The following ZNF292 variants were observed in gnomAD, a reference collection of about 807,000 sequenced individuals.
ZNF292 encodes zinc finger protein 292.
In ZNF292, 26 loss-of-function variants were observed where a neutral mutation model predicts 217.9. The observed-to-expected ratio is 0.12, with a 90% CI of 0.09 to 0.17. The LOEUF (loss-of-function observed/expected upper bound fraction) is 0.17. Ranked by LOEUF, ZNF292 falls within the 10% of genes least tolerant of loss-of-function variation. ZNF292 has a pLI of 1.00. For synonymous variants in ZNF292, 1,257 were observed against 1,124.1 expected, an observed-to-expected ratio of 1.12 and a Z score of -2.37; for missense variants, 2,904 against 3,175.2, an observed-to-expected ratio of 0.91 and a Z score of 2.05.
Position 87,211,927 on chromosome 6 carries a change from A to G in ZNF292, c.169-3976A>G, listed in dbSNP as rs1005025353. Among the ~76,000 whole-genome samples, 3 of 152,266 alleles carry G rather than the reference A, an allele frequency of 2.0e-5. No individual in the cohort carries two copies. In the East Asian group the frequency reaches 5.8e-4, roughly 29 times the overall value. ...TATAAATATAAATATATGTGTATAG[A>G]CATTCATTCATTCTTGAAGGGGTGT... On this transcript the variant is annotated intron_variant, in intron 1 of 7. Transcript: ENST00000369577.
At chr6:87,183,510 T>C (rs1771534676) in intron 1 of ZNF292, among the ~76,000 whole-genome samples, 1 of 152,126 alleles carries the variant, frequency 6.6e-6, no homozygotes, top group South Asian at 2.1e-4. Flanking sequence ...TCCTCAATGA[T>C]CAAAATCCCT....
chr6:87,163,313 TG>T (rs1036151883), intron 1 of ZNF292, among the ~76,000 whole-genome samples: 12 of 151,906 alleles, frequency 7.9e-5, no homozygotes, highest in Non-Finnish European at 1.5e-4. Flanking sequence ...TAGCCGGGTG[TG>T]GTGATGGACA....
intron 1 of ZNF292, among the ~76,000 whole-genome samples, chr6:87,213,497 A>AT (rs1772593826): frequency 6.6e-6 from 1 of 152,152 alleles, no homozygotes; most frequent in Admixed American, 6.5e-5. Flanking sequence ...GTCTAAGCTA[A>AT]TTCCAACTGG....
chr6:87,227,873 C>G (rs1471419621), intron 4 of ZNF292, among the ~76,000 whole-genome samples: 1 of 152,140 alleles, frequency 6.6e-6, no homozygotes, highest in African/African-American at 2.4e-5. Context: ...GCTTCCACCT[C>G]TTGGTTATTG....
intron 1 of ZNF292, among the ~76,000 whole-genome samples, chr6:87,211,590 A>G (rs1252276630): frequency 6.6e-6 from 1 of 152,138 alleles, no homozygotes; most frequent in South Asian, 2.1e-4. Context: ...ATATTACTAT[A>G]ATTTACCTAA....
chr6:87,183,656 T>C (rs1306585304), intron 1 of ZNF292, among the ~76,000 whole-genome samples: 1 of 152,122 alleles, frequency 6.6e-6, no homozygotes, highest in Middle Eastern at 3.2e-3. Flanking sequence ...CATAAACCAC[T>C]TTACACCATA....
chr6:87,235,854 T>C (rs1773880421), intron 5 of ZNF292, among the ~76,000 whole-genome samples: 1 of 152,150 alleles, frequency 6.6e-6, no homozygotes, highest in African/African-American at 2.4e-5. Flanking sequence ...AAAAACTAGA[T>C]CATATAGTGC....
chr6:87,196,724 A>G (rs763309341), intron 1 of ZNF292, among the ~76,000 whole-genome samples: 3 of 152,208 alleles, frequency 2.0e-5, no homozygotes, highest in Non-Finnish European at 2.9e-5. Flanking sequence ...AGAACTGTGC[A>G]AAAGCAAAGA....
intron 1 of ZNF292, among the ~76,000 whole-genome samples, chr6:87,175,404 T>C (rs1771252123): frequency 6.6e-6 from 1 of 152,178 alleles, no homozygotes; most frequent in Non-Finnish European, 1.5e-5. Context: ...GGTACAGTCA[T>C]GGCTACCTGC....
intron 1 of ZNF292, among the ~76,000 whole-genome samples, chr6:87,158,517 C>T (rs1303953105): frequency 1.3e-5 from 2 of 151,880 alleles, no homozygotes; most frequent in African/African-American, 4.8e-5. Context: ...CAAAACAAAT[C>T]AAAAAAATTA....
chr6:87,202,514 T>C (rs1211766684), intron 1 of ZNF292, among the ~76,000 whole-genome samples: 1 of 152,206 alleles, frequency 6.6e-6, no homozygotes, highest in East Asian at 1.9e-4. Flanking sequence ...CAGATTGTGC[T>C]GATTAGCCCT....
intron 1 of ZNF292, among the ~76,000 whole-genome samples, chr6:87,198,937 T>C (rs979117535): frequency 3.9e-5 from 6 of 152,272 alleles, no homozygotes; most frequent in African/African-American, 1.4e-4. Flanking sequence ...GGCTTGTTCC[T>C]AGTTTTAGGC....
rs1270483935 is a variant in ZNF292 at position 87,256,490 on chromosome 6, A to C, written c.2861A>C (p.Gln954Pro). Residue 954 changes from glutamine to proline, a missense_variant, in exon 8 of 8, where the codon CAA becomes CCA. By Grantham distance (76) the Gln-to-Pro change is moderately conservative. This residue lies in a region of ZNF292 where 687 missense variants were observed against 623.0 expected (regional missense o/e 1.10). Transcript: ENST00000369577. ...GGGATTGAGGATAACTTTGGAAAGC[A>C]AGAAAACTCAACTGTGGAAGGCAGT... ...NQGIEDNFGK[Q>P]ENSTVEGSGE... 6.2e-7 allele frequency: 1 copy of C among 1,611,484 alleles called. No homozygotes were observed. The highest frequency in any genetic ancestry group is 8.5e-7 in the Non-Finnish European group (1 of 1,179,840).
intron 1 of ZNF292, among the ~76,000 whole-genome samples, chr6:87,203,995 T>G (rs1772170209): frequency 6.6e-6 from 1 of 152,198 alleles, no homozygotes; most frequent in Non-Finnish European, 1.5e-5. Context: ...ATCCATAATG[T>G]GTACCACCTG....
intron 1 of ZNF292, among the ~76,000 whole-genome samples, chr6:87,181,301 G>A (rs1718917130): frequency 6.6e-6 from 1 of 152,154 alleles, no homozygotes; most frequent in Non-Finnish European, 1.5e-5. Flanking sequence ...AAGGTGGGGA[G>A]GGGTGGGGGA....
rs749546206 is a variant in ZNF292 at position 87,245,605 on chromosome 6, A to G, written c.981A>G (p.Val327=). ...AACTTTCTTTGTTAACGAAAACAGT[A>G]TATCACATTTTCTTCCTGATTAAAG... ...CRQLSLLTKT[V]YHIFFLIKVI... The change falls in exon 7 of 8, where the codon GTA becomes GTG. Residue 327 remains valine (V), a synonymous_variant. Transcript: ENST00000369577. 7.2e-6 allele frequency: 11 copies of G among 1,537,712 alleles called. No homozygotes were observed. The highest frequency in any genetic ancestry group is 2.8e-5 in the African/African-American group (2 of 72,700).
rs114006707 is a variant in ZNF292, at chr6:87,208,624, C to T, written c.169-7279C>T. Among the ~76,000 whole-genome samples, 1,436 of 151,866 alleles carry T rather than the reference C, an allele frequency of 9.5e-3. 19 individuals carry two copies. The highest frequency in any genetic ancestry group is 0.033 in the African/African-American group (1,352 of 41,394). On this transcript the variant is annotated intron_variant, in intron 1 of 7. Transcript: ENST00000369577. Reference sequence around the variant, plus strand: ...TTTTTTTTCCCCCTTGTTTTGATTTCTCTCAACATTAGAAGCTTTTTAAAA... The same window carrying T: ...TTTTTTTTCCCCCTTGTTTTGATTTTTCTCAACATTAGAAGCTTTTTAAAA...
At chr6:87,225,951 C>T (rs1773324589) in intron 4 of ZNF292, among the ~76,000 whole-genome samples, 1 of 152,108 alleles carries the variant, frequency 6.6e-6, no homozygotes, top group Non-Finnish European at 1.5e-5. Flanking sequence ...TTGGGTTTTA[C>T]TTTTATTAAC....
chr6:87,220,572 A>T (rs1016260446), intron 4 of ZNF292, among the ~76,000 whole-genome samples: 1 of 152,158 alleles, frequency 6.6e-6, no homozygotes, highest in Non-Finnish European at 1.5e-5. Flanking sequence ...TAAAGGAGTA[A>T]CTCCTTTTCC....
Sources: allele counts gnomAD v4.1 joint callset (sites outside exome capture counted in the v4.1 genomes callset), GRCh38; gene constraint gnomAD v4.1.1; regional missense constraint gnomAD v4.1.1; transcripts MANE v1.5; gene names NCBI Gene and HGNC (gene_info 2026-07-23, HGNC 2026-07-21).